Variants in NEGR1 observed in about 807,000 individuals in gnomAD.
NEGR1 encodes IgLON family member 4.
A neutral mutation model predicts 40.9 loss-of-function variants in NEGR1; 10 were observed. The ratio of observed to expected loss-of-function variants is 0.24; its 90% CI spans 0.15 to 0.42. NEGR1 has a LOEUF of 0.42. NEGR1 is among the 10% of genes least tolerant of loss of function. NEGR1 has a pLI of 1.00. For synonymous variants in NEGR1, 185 were observed against 166.8 expected (o/e 1.11, Z -0.84); for missense variants, 352 against 438.9 (o/e 0.80, Z 1.77).
At chr1:71,688,347 TA>T (rs1261315540) in intron 4 of NEGR1, among the ~76,000 whole-genome samples, 63 of 100,710 alleles carry the variant, frequency 6.3e-4, no homozygotes, top group South Asian at 9.4e-4. Context: ...GATAGATAGA[TA>T]GATAGATTAT....
At chr1:71,872,257 G>T (rs1247889583) in intron 2 of NEGR1, among the ~76,000 whole-genome samples, 1 of 152,172 alleles carries the variant, frequency 6.6e-6, no homozygotes, top group East Asian at 1.9e-4. Context: ...GGTAGACTAT[G>T]ATTTTCTGAG....
intron 6 of NEGR1, among the ~76,000 whole-genome samples, chr1:71,426,389 A>C (rs1243811987): frequency 6.6e-6 from 1 of 152,200 alleles, no homozygotes; most frequent in African/African-American, 2.4e-5. Flanking sequence ...CTTTTTATGT[A>C]GATGAGGTAA....
At chr1:71,764,918 G>A (rs1186877946) in intron 3 of NEGR1, among the ~76,000 whole-genome samples, 1 of 152,064 alleles carries the variant, frequency 6.6e-6, no homozygotes, top group Non-Finnish European at 1.5e-5. Flanking sequence ...TTTCGCAATC[G>A]GATTGTGATG....
At chr1:72,201,475 T>C (rs114460537) in intron 1 of NEGR1, among the ~76,000 whole-genome samples, 2 of 151,836 alleles carry the variant, frequency 1.3e-5, no homozygotes, top group Non-Finnish European at 2.9e-5. Context: ...GATATTTTAA[T>C]GGCAAGTAAA....
intron 2 of NEGR1, among the ~76,000 whole-genome samples, chr1:71,927,967 T>C (rs67734277): frequency 0.22 from 31,562 of 143,876 alleles, 3,894 homozygotes; most frequent in Admixed American, 0.36. Flanking sequence ...CCACTACACT[T>C]CAGCCTGGAC....
At chr1:71,788,236 C>T (rs1199269515) in intron 2 of NEGR1, among the ~76,000 whole-genome samples, 2 of 152,080 alleles carry the variant, frequency 1.3e-5, no homozygotes, top group Middle Eastern at 3.2e-3. Flanking sequence ...CCTATGGTTA[C>T]ATGTGCCAGT....
At chr1:71,909,572 C>T (rs1661367836) in intron 2 of NEGR1, among the ~76,000 whole-genome samples, 1 of 152,098 alleles carries the variant, frequency 6.6e-6, no homozygotes, top group African/African-American at 2.4e-5. Context: ...AATTTTATAA[C>T]CAAAACTGAC....
At chr1:71,530,559 C>T (rs748505852) in intron 6 of NEGR1, among the ~76,000 whole-genome samples, 3 of 151,282 alleles carry the variant, frequency 2.0e-5, no homozygotes, top group Non-Finnish European at 3.0e-5. Flanking sequence ...TTTATAGCTG[C>T]ACTTGTTTTT....
chr1:72,223,711 TTCC>T (rs1184615208), intron 1 of NEGR1, among the ~76,000 whole-genome samples: 2 of 152,174 alleles, frequency 1.3e-5, no homozygotes, highest in Non-Finnish European at 2.9e-5. Flanking sequence ...CTGATAATCC[TTCC>T]TCGTCTCCTC....
At position 71,403,026 on chromosome 1, in the gene NEGR1, A is replaced by C. The variant is rs1001395163; in HGVS notation, c.*4420T>G. 1.3e-5 allele frequency: 2 copies of C among 152,124 alleles called. No homozygotes were observed. The highest frequency in any genetic ancestry group is 2.9e-5 in the Non-Finnish European group (2 of 67,974). The allele number at this position is 152,124 out of a possible 1,614,324, so 9.4% of individuals were successfully genotyped here. ...GTGTATATAGATTTCTCAGAATAGC[A>C]ATGATACTTATATTTCAAAATAGCT... On this transcript the variant is annotated 3_prime_UTR_variant, in exon 7 of 7. Coordinates refer to ENST00000357731, the MANE Select transcript of NEGR1 (RefSeq NM_173808.3).
intron 4 of NEGR1, among the ~76,000 whole-genome samples, chr1:71,647,594 C>T (rs1376205953): frequency 2.6e-5 from 4 of 151,898 alleles, no homozygotes; most frequent in African/African-American, 2.4e-5. Context: ...CCTCCTCCCT[C>T]CTGACAAGCC....
At chr1:71,739,368 T>C (rs1016339199) in intron 3 of NEGR1, among the ~76,000 whole-genome samples, 4 of 152,010 alleles carry the variant, frequency 2.6e-5, no homozygotes, top group African/African-American at 9.7e-5. Flanking sequence ...AGCTTGCAAA[T>C]GGCCTATTGT....
At chr1:71,606,391 C>T (rs1340133347) in intron 5 of NEGR1, among the ~76,000 whole-genome samples, 2 of 152,200 alleles carry the variant, frequency 1.3e-5, no homozygotes, top group Non-Finnish European at 2.9e-5. Flanking sequence ...GACATCTTGA[C>T]TGCAATCTTA....
chr1:71,671,434 G>C (rs1652425633), intron 4 of NEGR1, among the ~76,000 whole-genome samples: 1 of 152,040 alleles, frequency 6.6e-6, no homozygotes, highest in Non-Finnish European at 1.5e-5. Context: ...ACTGAAATAA[G>C]GGGAAATTGA....
intron 2 of NEGR1, among the ~76,000 whole-genome samples, chr1:71,924,348 C>T (rs1444757898): frequency 6.6e-6 from 1 of 152,148 alleles, no homozygotes; most frequent in Non-Finnish European, 1.5e-5. Context: ...TAAAGTGAGA[C>T]TTCATAAGTC....
chr1:71,867,407 A>G (rs1468593937), intron 2 of NEGR1, among the ~76,000 whole-genome samples: 1 of 152,194 alleles, frequency 6.6e-6, no homozygotes, highest in Non-Finnish European at 1.5e-5. Context: ...ATCTACTGGA[A>G]TGGATAGCAT....
chr1:71,684,501 C>T (rs937999606), intron 4 of NEGR1, among the ~76,000 whole-genome samples: 8 of 151,192 alleles, frequency 5.3e-5, no homozygotes, highest in Non-Finnish European at 1.2e-4. Flanking sequence ...TTTTTGTGTG[C>T]GTGTGTGTGT....
chr1:72,178,699 G>T lies in NEGR1; in HGVS notation c.176+103620C>A, dbSNP rs556127839. Reference sequence around the variant, plus strand: ...ACCTTGCCAGCGTCTGTTTTTTTTTGTTTGTTTGTTTTGTTTTGTTTTTTT... The same window carrying T: ...ACCTTGCCAGCGTCTGTTTTTTTTTTTTTGTTTGTTTTGTTTTGTTTTTTT... On this transcript the variant is annotated intron_variant, in intron 1 of 6. Transcript: ENST00000357731. Among the ~76,000 whole-genome samples, 442 of 149,336 alleles carry T rather than the reference G, an allele frequency of 3.0e-3. 2 individuals are homozygous for T. The highest frequency in any genetic ancestry group is 0.017 in the Middle Eastern group (5 of 292).
chr1:71,859,488 T>C (rs1392098706), intron 2 of NEGR1, among the ~76,000 whole-genome samples: 1 of 152,078 alleles, frequency 6.6e-6, no homozygotes, highest in African/African-American at 2.4e-5. Context: ...TGCAGACTTT[T>C]TCTGGACAGA....
Sources: gnomAD v4.1 joint callset for allele counts (sites outside exome capture counted in the v4.1 genomes callset) on GRCh38, gnomAD v4.1.1 for gene constraint, MANE v1.5 for transcripts, NCBI Gene and HGNC (gene_info 2026-07-23, HGNC 2026-07-21) for gene names.